Variants in CNTNAP2 observed in about 807,000 individuals in gnomAD.
The protein encoded by CNTNAP2 is contactin-associated protein-like 2.
A neutral mutation model predicts 155.2 loss-of-function variants in CNTNAP2; 98 were observed. The observed-to-expected ratio is 0.63, with a 90% confidence interval of 0.54 to 0.75. The LOEUF is 0.75. CNTNAP2 is among the 30% of genes least tolerant of loss of function. The probability of loss-of-function intolerance (pLI) is 0.00; values close to 1 mark genes in which losing one functional copy is unlikely to be tolerated. For missense variants in CNTNAP2, 1,727 were observed against 1,688.1 expected, an observed-to-expected ratio of 1.02 and a Z score of -0.40; for synonymous variants, 651 against 631.2, an observed-to-expected ratio of 1.03 and a Z score of -0.47.
At chr7:146,310,641 T>C (rs1800803734) in intron 1 of CNTNAP2, among the ~76,000 whole-genome samples, 1 of 152,138 alleles carries the variant, frequency 6.6e-6, no homozygotes, top group Non-Finnish European at 1.5e-5. Flanking sequence ...TGTTAATATA[T>C]CTTTGACTAG....
At chr7:148,389,906 A>T (rs1407442934) in intron 22 of CNTNAP2, 1 of 152,084 alleles carries the variant, frequency 6.6e-6, no homozygotes, top group Non-Finnish European at 1.5e-5. Flanking sequence ...TCTAGTACTA[A>T]ACCCCTGACG....
intron 1 of CNTNAP2, among the ~76,000 whole-genome samples, chr7:146,396,215 A>G (rs1468709049): frequency 6.6e-6 from 1 of 152,182 alleles, no homozygotes; most frequent in Non-Finnish European, 1.5e-5. Flanking sequence ...TACAAAATAT[A>G]TTTCATAAAT....
chr7:146,971,230 GAA>G (rs1390567726), intron 3 of CNTNAP2, among the ~76,000 whole-genome samples: 1 of 151,860 alleles, frequency 6.6e-6, no homozygotes, highest in East Asian at 1.9e-4. Flanking sequence ...TAATACTAAA[GAA>G]AGTCTTTTTT....
At chr7:147,134,125 T>G (rs1378306471) in intron 8 of CNTNAP2, among the ~76,000 whole-genome samples, 1 of 152,014 alleles carries the variant, frequency 6.6e-6, no homozygotes, top group Non-Finnish European at 1.5e-5. Context: ...CCTTGCAGTC[T>G]CTGAGCAAAT....
At chr7:148,229,869 G>T in intron 20 of CNTNAP2, 90 bp downstream of exon 20, 8 of 1,472,112 alleles carry the variant, frequency 5.4e-6, no homozygotes, top group Non-Finnish European at 7.5e-6. Context: ...GTTTTGAGGG[G>T]ATAGAAGTAG....
Position 147,634,714 on chromosome 7 carries a change from T to C in CNTNAP2, c.1898-4392T>C, listed in dbSNP as rs1012274470. Among the ~76,000 whole-genome samples, 10 of 152,162 alleles carry C rather than the reference T, an allele frequency of 6.6e-5. No individual in the cohort carries two copies. In the South Asian group the frequency reaches 8.3e-4, roughly 13 times the overall value. Reference sequence around the variant, plus strand: ...GCATGTGTATTTCTTTTCAAATCTTTCCAAAATATAATTTTATTGAAGAAT... The same window carrying C: ...GCATGTGTATTTCTTTTCAAATCTTCCCAAAATATAATTTTATTGAAGAAT... On this transcript the variant is annotated intron_variant, in intron 12 of 23. Coordinates refer to ENST00000361727, the MANE Select transcript of CNTNAP2 (RefSeq NM_014141.6).
At position 146,638,476 on chromosome 7, in the gene CNTNAP2, C is replaced by CTTTTTT. The variant is rs879600389; in HGVS notation, c.98-135778_98-135773dup. ...AACAGTTTAATACAGTCAGGTGTTT[C>CTTTTTT]TTTTTTTTTTTTTTTTTTTTTTCTT... is the stretch of plus-strand genomic sequence containing the variant. On this transcript the variant is annotated intron_variant, in intron 1 of 23. Transcript: ENST00000361727. Among the ~76,000 whole-genome samples, 91 of 64,338 alleles carry CTTTTTT rather than the reference C, an allele frequency of 1.4e-3. 4 individuals carry two copies. Among genetic ancestry groups the CTTTTTT allele is most frequent in the East Asian group, 3.7e-3 (7 of 1,886 alleles). The allele number at this position is 64,338 out of a possible 152,430, so 42.2% of individuals were successfully genotyped here.
intron 11 of CNTNAP2, among the ~76,000 whole-genome samples, chr7:147,546,256 G>T (rs1799728676): frequency 6.6e-6 from 1 of 152,010 alleles, no homozygotes; most frequent in South Asian, 2.1e-4. Context: ...GTAAAATTCT[G>T]TCAATGTGTG....
intron 1 of CNTNAP2, among the ~76,000 whole-genome samples, chr7:146,368,802 G>A (rs7778058): frequency 0.27 from 39,928 of 150,490 alleles, 12,279 homozygotes; most frequent in African/African-American, 0.75. Flanking sequence ...AAGAAGTATG[G>A]TAACAAATTC....
At chr7:146,398,730 G>A (rs1795670677) in intron 1 of CNTNAP2, among the ~76,000 whole-genome samples, 1 of 151,996 alleles carries the variant, frequency 6.6e-6, no homozygotes, top group South Asian at 2.1e-4. Context: ...AAACTAGTTA[G>A]GTCTCTCTGT....
chr7:147,231,904 GT>G (rs1803689116), intron 8 of CNTNAP2, among the ~76,000 whole-genome samples: 1 of 151,900 alleles, frequency 6.6e-6, no homozygotes, highest in Non-Finnish European at 1.5e-5. Context: ...ATTGATTTTT[GT>G]TTTTGTTTGT....
intron 11 of CNTNAP2, among the ~76,000 whole-genome samples, 156 bp downstream of exon 11, chr7:147,486,197 AAAT>A (rs920379645): frequency 2.9e-5 from 4 of 140,056 alleles, no homozygotes; most frequent in East Asian, 4.2e-4. Context: ...AAAAAAAAAA[AAAT>A]AAAATACACT....
chr7:147,307,125 T>C (rs1438157850), intron 9 of CNTNAP2, among the ~76,000 whole-genome samples: 1 of 152,158 alleles, frequency 6.6e-6, no homozygotes, highest in Non-Finnish European at 1.5e-5. Context: ...TTACAAAGTG[T>C]TCCCAGAGAG....
intron 4 of CNTNAP2, among the ~76,000 whole-genome samples, chr7:147,055,835 G>C (rs1799551837): frequency 6.6e-6 from 1 of 152,122 alleles, no homozygotes; most frequent in African/African-American, 2.4e-5. Flanking sequence ...CCCGAGGGAA[G>C]CAGCGTCTTT....
intron 1 of CNTNAP2, among the ~76,000 whole-genome samples, chr7:146,240,627 T>A (rs1799545642): frequency 6.6e-6 from 1 of 151,966 alleles, no homozygotes; most frequent in Admixed American, 6.6e-5. Flanking sequence ...CACAGTGACC[T>A]TAGGAGGTAG....
intron 9 of CNTNAP2, among the ~76,000 whole-genome samples, chr7:147,328,754 A>G (rs565424341): frequency 6.6e-6 from 1 of 152,266 alleles, no homozygotes; most frequent in South Asian, 2.1e-4. Context: ...ACATGCATAT[A>G]CCATTTGAAA....
chr7:148,211,493 C>T (rs745447025), intron 18 of CNTNAP2, among the ~76,000 whole-genome samples: 2 of 152,190 alleles, frequency 1.3e-5, no homozygotes, highest in Admixed American at 6.5e-5. Context: ...TGGGAGACCT[C>T]GCTTCTCAGC....
rs1299873575 is a variant in CNTNAP2, at chr7:148,247,651, A to ATTTTTTT, written c.3381+17875_3381+17876insTTTTTTT. Among the ~76,000 whole-genome samples the ATTTTTTT allele has an allele frequency of 3.3e-5, 4 of 121,560 alleles. 1 individual carries two copies. The highest frequency in any genetic ancestry group is 3.4e-5 in the Non-Finnish European group (2 of 58,866). The allele number at this position is 121,560 out of a possible 152,430, so 79.7% of individuals were successfully genotyped here. The stretch of plus-strand genomic sequence containing the variant: ...TATTTATTTATTTATTTATTTATTT[A>ATTTTTTT]TTTATTTATTTATTTTTTTGGAGAT... On this transcript the variant is annotated intron_variant, in intron 20 of 23. Transcript: ENST00000361727.
intron 1 of CNTNAP2, among the ~76,000 whole-genome samples, chr7:146,575,525 C>A (rs1798511197): frequency 6.6e-6 from 1 of 152,128 alleles, no homozygotes; most frequent in East Asian, 1.9e-4. Flanking sequence ...CTGATCCAAT[C>A]ATTACATTTG....
Sources: allele counts gnomAD v4.1 joint callset (sites outside exome capture counted in the v4.1 genomes callset), GRCh38; gene constraint gnomAD v4.1.1; transcripts MANE v1.5; gene names NCBI Gene and HGNC (gene_info 2026-07-23, HGNC 2026-07-21).